The following DBT variants were observed in gnomAD, a reference collection of about 807,000 sequenced individuals.
The protein encoded by DBT is dihydrolipoamide branched chain transacylase E2, also known as lipoamide acyltransferase component of branched-chain alpha-keto acid dehydrogenase complex, mitochondrial.
In DBT, 40 loss-of-function variants were observed where a neutral mutation model predicts 51.3. The ratio of observed to expected loss-of-function variants is 0.78; its 90% CI spans 0.61 to 1.02. DBT has a LOEUF of 1.02. DBT is among the 50% of genes least tolerant of loss of function. The pLI, the probability that DBT is intolerant of heterozygous loss-of-function variation, is 0.00. For synonymous variants in DBT, 181 were observed against 190.4 expected (o/e 0.95, Z 0.41); for missense variants, 510 against 580.2 (o/e 0.88, Z 1.24).
intron 4 of DBT, among the ~76,000 whole-genome samples, chr1:100,230,217 GT>G (rs1663461779): frequency 6.6e-6 from 1 of 152,144 alleles, no homozygotes; most frequent in Admixed American, 6.5e-5. Context: ...TAAATGAAGT[GT>G]TACTGTACAC....
chr1:100,200,586 C>T (rs1661378794), intron 10 of DBT, among the ~76,000 whole-genome samples: 1 of 152,214 alleles, frequency 6.6e-6, no homozygotes, highest in Non-Finnish European at 1.5e-5. Flanking sequence ...TCAAGTGGGT[C>T]TCTGACCCCC....
intron 10 of DBT, among the ~76,000 whole-genome samples, chr1:100,197,360 T>C (rs887417028): frequency 1.3e-5 from 2 of 152,172 alleles, no homozygotes; most frequent in African/African-American, 4.8e-5. Flanking sequence ...TCTGAGCAGA[T>C]TGGCCATTCA....
In DBT at chr1:100,240,868, A is replaced by T; in HGVS notation, c.68T>A (p.Phe23Tyr). The change falls in exon 2 of 11, where the codon TTT becomes TAT. Residue 23 changes from phenylalanine to tyrosine, a missense_variant. Phe to Tyr is a conservative substitution (Grantham distance 22). Coordinates refer to ENST00000370132, the MANE Select transcript of DBT (RefSeq NM_001918.5). ...NAGKLICVRY[F>Y]QTCGNVHVLK... is the part of the protein sequence containing the mutation. ...AACATGAACATTACCACATGTTTGA[A>T]AATAGCGAACACAAATCTACAGATG... 1 of 1,613,622 alleles carries T rather than the reference A, an allele frequency of 6.2e-7. No individual in the cohort carries two copies. Among genetic ancestry groups the T allele is most frequent in the East Asian group, 2.2e-5 (1 of 44,786 alleles).
chr1:100,225,042 A>AAAATATATGTATATAT lies in DBT; in HGVS notation c.433+5690_433+5691insATATATACATATATTT, dbSNP rs59482100. On this transcript the variant is annotated intron_variant, in intron 4 of 10. Transcript: ENST00000370132. ...CCCCCCAAAAAAAAAAAAAAAAAAA[A>AAAATATATGTATATAT]ATATATATATACACACACACACACA... 3.7e-4 allele frequency among the ~76,000 whole-genome samples: 17 copies of AAAATATATGTATATAT among 45,656 alleles called. 7 individuals carry two copies. Among genetic ancestry groups the AAAATATATGTATATAT allele is most frequent in the South Asian group, 1.9e-3 (2 of 1,054 alleles). The allele number at this position is 45,656 out of a possible 152,430, so 30.0% of individuals were successfully genotyped here. A position where few individuals can be genotyped will look rare whatever the true frequency, so the allele number is the denominator to read the frequency against.
At chr1:100,224,835 T>C (rs1192363525) in intron 4 of DBT, among the ~76,000 whole-genome samples, 2 of 151,296 alleles carry the variant, frequency 1.3e-5, no homozygotes, top group Non-Finnish European at 2.9e-5. Context: ...GCCAACATGG[T>C]GAAACCCCGT....
At chr1:100,197,921 T>A (rs1023425143) in intron 10 of DBT, among the ~76,000 whole-genome samples, 1 of 152,156 alleles carries the variant, frequency 6.6e-6, no homozygotes, top group Non-Finnish European at 1.5e-5. Context: ...TTAAATACTA[T>A]TTGTCCCTAC....
At chr1:100,217,606 A>G (rs1170719472) in intron 5 of DBT, among the ~76,000 whole-genome samples, 1 of 152,226 alleles carries the variant, frequency 6.6e-6, no homozygotes, top group African/African-American at 2.4e-5. Flanking sequence ...CAAAATATAA[A>G]CTTTTATTTT....
intron 8 of DBT, among the ~76,000 whole-genome samples, chr1:100,209,647 C>T (rs374480585): frequency 1.4e-3 from 209 of 152,124 alleles, no homozygotes; most frequent in African/African-American, 4.8e-3. Context: ...CTGCAACCTC[C>T]GCCTCCTGGG....
chr1:100,218,779 A>G (rs570664502), intron 4 of DBT, 32 bp from the exon 5 acceptor site: 2 of 1,604,702 alleles, frequency 1.2e-6, no homozygotes, highest in East Asian at 2.2e-5. Context: ...ACTTCAGTTG[A>G]AAAAAAATTT....
intron 8 of DBT, among the ~76,000 whole-genome samples, chr1:100,207,506 T>C (rs946506086): frequency 2.7e-5 from 4 of 146,266 alleles, no homozygotes; most frequent in African/African-American, 7.5e-5. Flanking sequence ...AGCCCATCAA[T>C]AAAAAAAAAA....
chr1:100,197,890 T>C (rs1179421133), intron 10 of DBT, among the ~76,000 whole-genome samples: 4 of 152,038 alleles, frequency 2.6e-5, no homozygotes, highest in Non-Finnish European at 5.9e-5. Context: ...AAAGGAAAGA[T>C]GACACAAAGG....
chr1:100,226,778 G>A (rs1419283523), intron 4 of DBT, among the ~76,000 whole-genome samples: 1 of 152,168 alleles, frequency 6.6e-6, no homozygotes, highest in Non-Finnish European at 1.5e-5. Context: ...AAGCAAGGAA[G>A]CTTTTAAAAG....
intron 4 of DBT, 59 bp from the exon 5 acceptor site, chr1:100,218,806 TGTAAA>T: frequency 6.9e-7 from 1 of 1,451,048 alleles, no homozygotes; most frequent in Non-Finnish European, 9.6e-7. Flanking sequence ...TTTACTAAGA[TGTAAA>T]GTAAGGCCAC....
intron 10 of DBT, among the ~76,000 whole-genome samples, chr1:100,199,767 C>T (rs1472711946): frequency 3.3e-5 from 5 of 152,136 alleles, no homozygotes; most frequent in Admixed American, 6.5e-5. Flanking sequence ...CAGGATGGGG[C>T]GTCGCCTCAC....
At chr1:100,211,165 C>G (rs1217060630) in intron 7 of DBT, 1 of 775,872 alleles carries the variant, frequency 1.3e-6, no homozygotes, top group South Asian at 1.4e-5. Flanking sequence ...AGCTATTTCT[C>G]TGTGTGGAAA....
chr1:100,238,850 T>C (rs2100840985), intron 2 of DBT, among the ~76,000 whole-genome samples: 1 of 152,190 alleles, frequency 6.6e-6, no homozygotes, highest in Middle Eastern at 3.4e-3. Context: ...AAGTCTTCAA[T>C]GAGGTGAGAG....
rs1047158545 is a variant in DBT at position 100,218,937 on chromosome 1, G to C, written c.434-190C>G. 3.3e-5 allele frequency among the ~76,000 whole-genome samples: 5 copies of C among 151,744 alleles called. No homozygotes were observed. In the East Asian group the frequency reaches 7.7e-4, roughly 23 times the overall value. On this transcript the variant is annotated intron_variant, in intron 4 of 10. Transcript: ENST00000370132. ...TCCTAATGGTATGGGTAGAGTGGGGGGGGGGGTGTGTGCCGGTACCTGGTA... is the reference window on the plus strand; with the variant it reads ...TCCTAATGGTATGGGTAGAGTGGGGCGGGGGGTGTGTGCCGGTACCTGGTA...
chr1:100,208,097 T>A (rs943633331), intron 8 of DBT, among the ~76,000 whole-genome samples: 2 of 152,016 alleles, frequency 1.3e-5, no homozygotes, highest in African/African-American at 4.8e-5. Context: ...ATCGCAGCAC[T>A]GCACTCCAGC....
At chr1:100,204,843 C>A (rs1372367739) in intron 10 of DBT, among the ~76,000 whole-genome samples, 1 of 152,148 alleles carries the variant, frequency 6.6e-6, no homozygotes, top group East Asian at 1.9e-4. Context: ...CTGACAAAAA[C>A]AAGCAATGCG....
Sources: gnomAD v4.1 joint callset for allele counts (sites outside exome capture counted in the v4.1 genomes callset) on GRCh38, gnomAD v4.1.1 for gene constraint, MANE v1.5 for transcripts, NCBI Gene and HGNC (gene_info 2026-07-23, HGNC 2026-07-21) for gene names.